The following ZFHX4 variants were observed in gnomAD, a reference collection of about 807,000 sequenced individuals.
ZFHX4 encodes zinc finger homeobox 4.
A neutral mutation model predicts 267.6 loss-of-function variants in ZFHX4; 56 were observed. The ratio of observed to expected loss-of-function variants is 0.21; its 90% CI spans 0.17 to 0.26. The LOEUF is 0.26. ZFHX4 is among the 10% of genes least tolerant of loss of function. The probability of loss-of-function intolerance (pLI) is 1.00; values close to 1 mark genes in which losing one functional copy is unlikely to be tolerated. For missense variants in ZFHX4, 4,332 were observed against 4,420.0 expected, an observed-to-expected ratio of 0.98 and a Z score of 0.56; for synonymous variants, 1,778 against 1,665.6, an observed-to-expected ratio of 1.07 and a Z score of -1.64.
intron 4 of ZFHX4, among the ~76,000 whole-genome samples, chr8:76,785,931 C>G (rs1810676095): frequency 6.6e-6 from 1 of 152,160 alleles, no homozygotes; most frequent in South Asian, 2.1e-4. Flanking sequence ...GACTCTGAAT[C>G]TGAACGGGTT....
intron 4 of ZFHX4, among the ~76,000 whole-genome samples, chr8:76,825,454 A>G (rs754772550): frequency 1.2e-4 from 18 of 152,196 alleles, no homozygotes; most frequent in East Asian, 7.7e-4. Flanking sequence ...AGAGCAGCCA[A>G]CGTTCTCCTA....
At chr8:76,713,813 T>A (rs1308118799) in intron 3 of ZFHX4, among the ~76,000 whole-genome samples, 1 of 151,892 alleles carries the variant, frequency 6.6e-6, no homozygotes, top group Non-Finnish European at 1.5e-5. Context: ...TTGTGTGGAG[T>A]GGAGTGATTA....
At chr8:76,786,143 T>A (rs568505083) in intron 4 of ZFHX4, among the ~76,000 whole-genome samples, 6 of 152,114 alleles carry the variant, frequency 3.9e-5, no homozygotes, top group Non-Finnish European at 8.8e-5. Flanking sequence ...TGAAAAGCAG[T>A]CTAACTTCAG....
chr8:76,691,415 G>A (rs1040605401), intron 1 of ZFHX4, among the ~76,000 whole-genome samples: 1 of 152,024 alleles, frequency 6.6e-6, no homozygotes, highest in Non-Finnish European at 1.5e-5. Context: ...CTTCAATTCC[G>A]TGTAAGGAAA....
intron 4 of ZFHX4, among the ~76,000 whole-genome samples, chr8:76,817,829 C>T (rs778687124): frequency 6.6e-6 from 1 of 152,148 alleles, no homozygotes; most frequent in Non-Finnish European, 1.5e-5. Context: ...GTGGCAAATA[C>T]TTGATGAATT....
intron 4 of ZFHX4, among the ~76,000 whole-genome samples, chr8:76,815,285 A>G (rs1167241277): frequency 6.6e-6 from 1 of 152,192 alleles, no homozygotes; most frequent in Admixed American, 6.5e-5. Context: ...TCACTGTCTT[A>G]GTCTGTTTGG....
At chr8:76,808,018 T>G (rs1471077188) in intron 4 of ZFHX4, among the ~76,000 whole-genome samples, 1 of 152,130 alleles carries the variant, frequency 6.6e-6, no homozygotes. Context: ...GTGGTTCCCT[T>G]GCAATGTTGT....
chr8:76,815,857 C>T (rs538411012), intron 4 of ZFHX4, among the ~76,000 whole-genome samples: 1 of 152,282 alleles, frequency 6.6e-6, no homozygotes, highest in African/African-American at 2.4e-5. Context: ...AATACCATTA[C>T]CTTGGGGGCT....
chr8:76,802,570 C>T (rs1001611537), intron 4 of ZFHX4, among the ~76,000 whole-genome samples: 1 of 152,150 alleles, frequency 6.6e-6, no homozygotes, highest in African/African-American at 2.4e-5. Flanking sequence ...CCCAAGATGC[C>T]ATTTGAAGTT....
Position 76,704,437 on chromosome 8 carries a change from A to G in ZFHX4, c.349A>G (p.Ser117Gly), listed in dbSNP as rs1808189460. The G allele has an allele frequency of 6.2e-7, 1 of 1,613,914 alleles. No individual in the cohort carries two copies. The highest frequency in any genetic ancestry group is 8.5e-7 in the Non-Finnish European group (1 of 1,179,908). The change falls in exon 2 of 11, where the codon AGC (serine) becomes GGC (glycine). Residue 117 changes from serine to glycine, a missense_variant. Physicochemically the swap from Ser to Gly is moderately conservative, Grantham distance 56 (BLOSUM62 0). Transcript: ENST00000651372. ...GAAGGATGACAACGAGAGCGAGATC[A>G]GCGAGTTAGAGGACAGTGACGTGGA... ...VLKDDNESEISELEDSDVENL... is the reference protein window; with the variant it reads ...VLKDDNESEIGELEDSDVENL...
chr8:76,813,288 C>T (rs910458908), intron 4 of ZFHX4, among the ~76,000 whole-genome samples: 16 of 152,002 alleles, frequency 1.1e-4, no homozygotes, highest in African/African-American at 2.4e-4. Flanking sequence ...CCTTTTTCCC[C>T]GGTACAGTCT....
chr8:76,716,174 A>G (rs1808565783), intron 3 of ZFHX4, among the ~76,000 whole-genome samples: 1 of 152,146 alleles, frequency 6.6e-6, no homozygotes, highest in Non-Finnish European at 1.5e-5. Flanking sequence ...AGAAGGCCTC[A>G]TTTATCGATA....
At chr8:76,813,430 T>A (rs1010900812) in intron 4 of ZFHX4, among the ~76,000 whole-genome samples, 4 of 152,178 alleles carry the variant, frequency 2.6e-5, no homozygotes, top group African/African-American at 9.6e-5. Context: ...ATTTAGGTGA[T>A]AAAATTTGTG....
chr8:76,848,952 T>C (rs1812435032), intron 6 of ZFHX4, 43 bp from the exon 7 acceptor site: 1 of 1,449,150 alleles, frequency 6.9e-7, no homozygotes, highest in Admixed American at 3.2e-5. Flanking sequence ...CATTTCGGAA[T>C]TGTGTTTTTA....
chr8:76,711,781 G>GCA (rs1808430851), intron 3 of ZFHX4, among the ~76,000 whole-genome samples: 3 of 152,116 alleles, frequency 2.0e-5, no homozygotes, highest in Admixed American at 2.0e-4. Flanking sequence ...AAACCACAGA[G>GCA]CACTACACGT....
At position 76,707,756 on chromosome 8, in the gene ZFHX4, A is replaced by G; in HGVS notation, c.2801A>G (p.Glu934Gly). Residue 934 changes from glutamate to glycine, a missense_variant, in exon 3 of 11, where the codon GAA becomes GGA. Coordinates refer to ENST00000651372, the MANE Select transcript of ZFHX4 (RefSeq NM_024721.5). ...AGTGAGCGCTCTCTCCCTGAAGAGG[A>G]ATGGAGGGCAGTAATTGGAGATATC... ...VSSERSLPEE[E>G]WRAVIGDIYQ... 1.2e-6 allele frequency: 2 copies of G among 1,613,916 alleles called. No individual in the cohort carries two copies. Among genetic ancestry groups the G allele is most frequent in the Non-Finnish European group, 1.7e-6 (2 of 1,179,902 alleles).
chr8:76,815,975 T>C (rs1317200529), intron 4 of ZFHX4, among the ~76,000 whole-genome samples: 1 of 152,232 alleles, frequency 6.6e-6, no homozygotes, highest in Non-Finnish European at 1.5e-5. Context: ...TTATGAGGTC[T>C]TGTCGTTAAC....
chr8:76,827,369 G>T (rs114928506), intron 4 of ZFHX4, among the ~76,000 whole-genome samples: 1 of 152,144 alleles, frequency 6.6e-6, no homozygotes, highest in African/African-American at 2.4e-5. Context: ...AGCATGGCCC[G>T]TTCCTAACAA....
At chr8:76,744,444 G>A (rs537785267) in intron 3 of ZFHX4, among the ~76,000 whole-genome samples, 4 of 151,770 alleles carry the variant, frequency 2.6e-5, no homozygotes, top group South Asian at 2.1e-4. Context: ...AGACAGTCTC[G>A]CTCTGTCACC....
Sources: allele counts gnomAD v4.1 joint callset (sites outside exome capture counted in the v4.1 genomes callset), GRCh38; gene constraint gnomAD v4.1.1; transcripts MANE v1.5; gene names NCBI Gene and HGNC (gene_info 2026-07-23, HGNC 2026-07-21).